Variants in ABCC1 observed in about 807,000 individuals in gnomAD.
The protein encoded by ABCC1 is ATP binding cassette subfamily C member 1 (ABCC1 blood group), also known as multidrug resistance-associated protein 1.
Under a neutral mutation model 172.9 loss-of-function variants are expected in ABCC1, and 83 were observed. The observed-to-expected ratio is 0.48, with a 90% CI of 0.40 to 0.58. ABCC1 has a LOEUF of 0.58. Among genes scored for constraint, ABCC1 ranks in the 20% least tolerant of loss-of-function variants. ABCC1 has a pLI of 0.00. For missense variants in ABCC1, 1,817 were observed against 2,002.7 expected (o/e 0.91, Z 1.77); for synonymous variants, 937 against 825.2 (o/e 1.14, Z -2.32).
intron 5 of ABCC1, among the ~76,000 whole-genome samples, chr16:16,020,642 A>G (rs954071591): frequency 1.1e-4 from 16 of 152,006 alleles, no homozygotes; most frequent in African/African-American, 3.9e-4. Flanking sequence ...AAGTTTGTCC[A>G]CCCCTGGTCT....
chr16:16,136,996 C>T (rs1298866557), intron 29 of ABCC1, among the ~76,000 whole-genome samples: 4 of 152,182 alleles, frequency 2.6e-5, no homozygotes, highest in Non-Finnish European at 5.9e-5. Flanking sequence ...CCCCAGCTGT[C>T]TTGGTCTCTA....
chr16:16,086,747 C>G lies in ABCC1; in HGVS notation c.2293-77C>G, dbSNP rs543844361. ...GCCTCCCAAAGTTCTGGGATCACAC[C>G]ACACTCGGCCTGCTTCTACGTATTG... is the stretch of plus-strand genomic sequence containing the variant. On this transcript the variant is annotated intron_variant, in intron 17 of 30. Transcript: ENST00000399410. 3.9e-6 allele frequency: 6 copies of G among 1,539,944 alleles called. No individual in the cohort carries two copies. The Admixed American group carries it at 5.2e-5, about 13-fold the overall frequency.
chr16:15,958,850 C>T (rs937071528), intron 1 of ABCC1, among the ~76,000 whole-genome samples: 1 of 152,070 alleles, frequency 6.6e-6, no homozygotes, highest in African/African-American at 2.4e-5. Flanking sequence ...TCAGTGTCGG[C>T]CCCGTTGACA....
intron 24 of ABCC1, among the ~76,000 whole-genome samples, chr16:16,124,560 A>G (rs191037493): frequency 1.4e-4 from 22 of 152,304 alleles, no homozygotes; most frequent in Admixed American, 1.1e-3. Context: ...GTTTTAATCC[A>G]TGGGTTTGCC....
chr16:16,008,123 T>A, intron 2 of ABCC1, 131 bp downstream of exon 2: 1 of 949,312 alleles, frequency 1.1e-6, no homozygotes, highest in Non-Finnish European at 1.6e-6. Flanking sequence ...GGCAGAAGAA[T>A]AATGTGGGAG....
In ABCC1 at chr16:16,010,053, TTTTTTTTA is replaced by T. The variant is rs1335859186; in HGVS notation, c.351+153_351+160del. 53 of 653,422 alleles carry T rather than the reference TTTTTTTTA, an allele frequency of 8.1e-5. No individual in the cohort carries two copies. In the African/African-American group the frequency reaches 9.2e-4, roughly 11 times the overall value. The allele number at this position is 653,422 out of a possible 1,614,324, so 40.5% of individuals were successfully genotyped here. On this transcript the variant is annotated intron_variant, in intron 3 of 30. Coordinates refer to ENST00000399410, the MANE Select transcript of ABCC1 (RefSeq NM_004996.4). Reference sequence around the variant, plus strand: ...AAATGTAGCCTTTTTTTTTTTTTTTTTTTTTTTAAAGACATGAGATCTCGCTTTCATCC... The same window carrying T: ...AAATGTAGCCTTTTTTTTTTTTTTTTAAGACATGAGATCTCGCTTTCATCC...
chr16:16,013,779 A>G (rs1179930831), intron 3 of ABCC1, among the ~76,000 whole-genome samples: 1 of 152,156 alleles, frequency 6.6e-6, no homozygotes, highest in Non-Finnish European at 1.5e-5. Context: ...AAGCCTGAGA[A>G]TGAGCAAGTT....
At chr16:15,988,685 G>A (rs1005725380) in intron 1 of ABCC1, among the ~76,000 whole-genome samples, 6 of 152,164 alleles carry the variant, frequency 3.9e-5, no homozygotes, top group Admixed American at 1.3e-4. Flanking sequence ...GTGAAAGCAG[G>A]TTGGAACAAG....
At chr16:16,049,809 G>C (rs757957863) in intron 10 of ABCC1, among the ~76,000 whole-genome samples, 1 of 151,950 alleles carries the variant, frequency 6.6e-6, no homozygotes, top group East Asian at 1.9e-4. Context: ...TCAGTCTCCC[G>C]AGTAGCTGGG....
At chr16:15,988,293 A>G (rs767569472) in intron 1 of ABCC1, among the ~76,000 whole-genome samples, 4 of 152,066 alleles carry the variant, frequency 2.6e-5, no homozygotes, top group Non-Finnish European at 5.9e-5. Context: ...ACATGTCTTC[A>G]TATCCTCTCC....
At chr16:15,954,218 G>A (rs746454898) in intron 1 of ABCC1, among the ~76,000 whole-genome samples, 9 of 151,836 alleles carry the variant, frequency 5.9e-5, no homozygotes, top group Non-Finnish European at 1.2e-4. Flanking sequence ...CCATAGAGAC[G>A]GGGTTTCATC....
intron 1 of ABCC1, among the ~76,000 whole-genome samples, chr16:15,950,496 C>T (rs999189585): frequency 6.6e-6 from 1 of 152,100 alleles, no homozygotes; most frequent in Admixed American, 6.6e-5. Flanking sequence ...TGTGGTCCTG[C>T]CCTCCCTTCC....
chr16:15,963,336 C>T (rs528726886), intron 1 of ABCC1, among the ~76,000 whole-genome samples: 23 of 152,326 alleles, frequency 1.5e-4, no homozygotes, highest in Non-Finnish European at 2.8e-4. Context: ...TCCAGGCACA[C>T]GATGTAGCTG....
At chr16:16,080,892 G>GT (rs796481588) in intron 16 of ABCC1, among the ~76,000 whole-genome samples, 13 of 150,224 alleles carry the variant, frequency 8.7e-5, no homozygotes, top group African/African-American at 2.7e-4. Context: ...TTGAGACAGA[G>GT]TTTTTTTTGT....
chr16:16,028,884 C>T (rs918534892), intron 5 of ABCC1, among the ~76,000 whole-genome samples: 1 of 152,112 alleles, frequency 6.6e-6, no homozygotes, highest in African/African-American at 2.4e-5. Flanking sequence ...TCCGGGTCCA[C>T]GGTCTGATCT....
chr16:16,057,661 T>C (rs1333734007), intron 12 of ABCC1, among the ~76,000 whole-genome samples: 1 of 152,222 alleles, frequency 6.6e-6, no homozygotes, highest in African/African-American at 2.4e-5. Context: ...CATATAGGTA[T>C]TTAAAAATAC....
At chr16:15,972,787 C>CTTTTTTTTTTTTTTTT (rs35086205) in intron 1 of ABCC1, among the ~76,000 whole-genome samples, 2 of 89,336 alleles carry the variant, frequency 2.2e-5, no homozygotes, top group African/African-American at 4.3e-5. Flanking sequence ...TATTTTTTAA[C>CTTTTTTTTTTTTTTTT]TTTTTTTTTT....
chr16:16,011,826 C>T (rs969579904), intron 3 of ABCC1, among the ~76,000 whole-genome samples: 10 of 152,166 alleles, frequency 6.6e-5, no homozygotes, highest in African/African-American at 1.4e-4. Context: ...TGCGCCACCA[C>T]GCCCGGCTGA....
At chr16:16,007,759 A>C in intron 1 of ABCC1, 57 bp from the exon 2 acceptor site, 1 of 1,507,308 alleles carries the variant, frequency 6.6e-7, no homozygotes, top group Non-Finnish European at 8.9e-7. Context: ...GCTCCAGGCG[A>C]GCTCCTGTCC....
Sources: gnomAD v4.1 joint callset for allele counts (sites outside exome capture counted in the v4.1 genomes callset) on GRCh38, gnomAD v4.1.1 for gene constraint, MANE v1.5 for transcripts, NCBI Gene and HGNC (gene_info 2026-07-23, HGNC 2026-07-21) for gene names.